CFAP46: variants seen among roughly 807,000 people sequenced by gnomAD.
The protein encoded by CFAP46 is cilia- and flagella-associated protein 46.
In CFAP46, 245 loss-of-function variants were observed where a neutral mutation model predicts 325.7. The observed-to-expected ratio is 0.75, with a 90% CI of 0.68 to 0.84. The LOEUF is 0.84. Ranked by LOEUF, CFAP46 falls within the 40% of genes least tolerant of loss-of-function variation. The pLI is 0.00. For synonymous variants in CFAP46, 1,523 were observed against 1,495.9 expected, an observed-to-expected ratio of 1.02 and a Z score of -0.42; for missense variants, 3,346 against 3,543.0, an observed-to-expected ratio of 0.94 and a Z score of 1.41.
At chr10:132,818,790 G>C (rs1345072835) in intron 50 of CFAP46, among the ~76,000 whole-genome samples, 2 of 151,444 alleles carry the variant, frequency 1.3e-5, no homozygotes, top group Non-Finnish European at 2.9e-5. Context: ...GAGGCTCAAG[G>C]TTGCAGTGAG....
chr10:132,861,104 G>A, intron 35 of CFAP46, 122 bp from the exon 36 acceptor site: 4 of 979,448 alleles, frequency 4.1e-6, no homozygotes, highest in Non-Finnish European at 6.1e-6. Context: ...GACGCACCAG[G>A]TGAGGGGAAG....
intron 9 of CFAP46, chr10:132,929,116 T>G: frequency 5.0e-6 from 1 of 200,682 alleles, no homozygotes; most frequent in Non-Finnish European, 1.0e-5. Flanking sequence ...AAACGTGGAG[T>G]AGTCCGAAAC....
chr10:132,890,531 G>C (rs761148950), intron 25 of CFAP46, among the ~76,000 whole-genome samples: 1 of 152,200 alleles, frequency 6.6e-6, no homozygotes, highest in African/African-American at 2.4e-5. Context: ...CCAGCAACCA[G>C]TGCGGAGTCC....
chr10:132,855,298 T>C (rs1293328421), intron 39 of CFAP46, among the ~76,000 whole-genome samples: 1 of 152,268 alleles, frequency 6.6e-6, no homozygotes, highest in African/African-American at 2.4e-5. Context: ...CTTGGTAATA[T>C]TCTTTTTTCC....
chr10:132,818,166 C>T (rs958063424), intron 50 of CFAP46, among the ~76,000 whole-genome samples: 1 of 152,210 alleles, frequency 6.6e-6, no homozygotes, highest in South Asian at 2.1e-4. Flanking sequence ...TGCTGCTTTC[C>T]TTTTCTGCCC....
chr10:132,926,479 C>T, intron 10 of CFAP46, 89 bp downstream of exon 10: 1 of 952,430 alleles, frequency 1.0e-6, no homozygotes, highest in Non-Finnish European at 1.6e-6. Context: ...GTCCCCAGCA[C>T]CCTCAAGCCT....
intron 7 of CFAP46, among the ~76,000 whole-genome samples, chr10:132,936,730 C>T (rs545221902): frequency 6.6e-6 from 1 of 152,388 alleles, no homozygotes; most frequent in East Asian, 1.9e-4. Flanking sequence ...CCTTCTGTGG[C>T]CTCACTGGCC....
intron 24 of CFAP46, among the ~76,000 whole-genome samples, chr10:132,893,220 TC>T (rs1034708542): frequency 1.1e-4 from 17 of 152,226 alleles, no homozygotes; most frequent in Non-Finnish European, 2.4e-4. Flanking sequence ...ATGCGGCCCC[TC>T]CCAAGTGCAG....
rs865875664 is a variant in CFAP46, at chr10:132,814,834, C to T, written c.7188+10G>A. The T allele has an allele frequency of 1.2e-6, 2 of 1,614,148 alleles. No individual in the cohort carries two copies. Among genetic ancestry groups the T allele is most frequent in the Middle Eastern group, 1.7e-4 (1 of 6,060 alleles). On this transcript the variant is annotated intron_variant, in intron 51 of 57. Transcript: ENST00000368586. ...ACCAGCCCGATCCCCTATCACAGGC[C>T]CCCACCCACCTTCCTGCCCTTCTTC...
rs1208806567 is a variant in CFAP46, at chr10:132,886,068, G to A, written c.3305-109C>T. ...ATCACAGTGCCCCTGAGGTGGAACC[G>A]CGGCTACAGAGGTGCCCAGGCCAGC... On this transcript the variant is annotated intron_variant, in intron 25 of 57. Transcript: ENST00000368586. The surrounding 1 kb of genome is among the most constrained non-coding windows in gnomAD (Gnocchi z 5.8). The A allele has an allele frequency of 3.5e-5, 49 of 1,401,538 alleles. No individual in the cohort carries two copies. The highest frequency in any genetic ancestry group is 4.1e-5 in the South Asian group (3 of 73,230). 86.8% of individuals were successfully genotyped at this position (1,401,538 alleles called of 1,614,324 possible).
At chr10:132,887,528 TCTC>T (rs1849168369) in intron 25 of CFAP46, among the ~76,000 whole-genome samples, 1 of 109,962 alleles carries the variant, frequency 9.1e-6, no homozygotes, top group Non-Finnish European at 1.9e-5. Context: ...TCCTCTCCTC[TCTC>T]CTCTCCCCTC....
At chr10:132,908,848 C>T (rs907508812) in intron 21 of CFAP46, among the ~76,000 whole-genome samples, 41 of 152,242 alleles carry the variant, frequency 2.7e-4, no homozygotes, top group South Asian at 2.1e-4. Flanking sequence ...GTCCTGGACA[C>T]GGGACTGGCG....
In CFAP46 at chr10:132,835,399, T is replaced by C. The variant is rs145021228; in HGVS notation, c.6649A>G (p.Thr2217Ala). ...CAGGCCAGCAGGTGGGAGAAGGCAG[T>C]GGGACTTATGGCCAGACGCATCACC... ...CKVMRLAISPTAFSHLLACAQ... is the reference protein window; with the variant it reads ...CKVMRLAISPAAFSHLLACAQ... The change falls in exon 47 of 58, where the codon ACT (threonine) becomes GCT (alanine). Residue 2217 changes from threonine to alanine, a missense_variant. By Grantham distance (58) the Thr-to-Ala change is moderately conservative. Coordinates refer to ENST00000368586, the MANE Select transcript of CFAP46 (RefSeq NM_001200049.3). 40 of 1,613,486 alleles carry C rather than the reference T, an allele frequency of 2.5e-5. No individual in the cohort carries two copies. Among genetic ancestry groups the C allele is most frequent in the Non-Finnish European group, 3.4e-5 (40 of 1,179,946 alleles).
At chr10:132,912,608 T>TCTCC (rs1849569182) in intron 19 of CFAP46, 47 bp downstream of exon 19, 1 of 370,714 alleles carries the variant, frequency 2.7e-6, no homozygotes, top group Non-Finnish European at 3.8e-6. Flanking sequence ...CTCTCTCCTC[T>TCTCC]CTCTCTCTCT....
At position 132,827,359 on chromosome 10, in the gene CFAP46, C is replaced by T. The variant is rs981130935; in HGVS notation, c.7117+5999G>A. 6.6e-6 allele frequency among the ~76,000 whole-genome samples: 1 copy of T among 152,148 alleles called. No homozygotes were observed. The highest frequency in any genetic ancestry group is 2.4e-5 in the African/African-American group (1 of 41,436). ...CCGACTGCTGTGGGAGCTCCTGGGC[C>T]TGGAGGAGCCTCCCTGGGACACGGT... is the stretch of plus-strand genomic sequence containing the variant. On this transcript the variant is annotated intron_variant, in intron 50 of 57. Transcript: ENST00000368586. The surrounding 1 kb of genome is among the most constrained non-coding windows in gnomAD (Gnocchi z 5.7).
intron 56 of CFAP46, 178 bp downstream of exon 56, chr10:132,810,772 C>A: frequency 1.3e-6 from 1 of 743,088 alleles, no homozygotes; most frequent in South Asian, 1.5e-5. Context: ...GGCTGAGCCG[C>A]CCCCCTCCCC....
In CFAP46 at chr10:132,808,878, T is replaced by C. The variant is rs1368543791; in HGVS notation, c.7691A>G (p.Gln2564Arg). 3.1e-6 allele frequency: 5 copies of C among 1,597,086 alleles called. No individual in the cohort carries two copies. Among genetic ancestry groups the C allele is most frequent in the Non-Finnish European group, 3.4e-6 (4 of 1,168,148 alleles). The change falls in exon 58 of 58, where the codon CAA becomes CGA. Residue 2564 changes from glutamine to arginine, a missense_variant. Physicochemically the swap from Gln to Arg is conservative, Grantham distance 43. Transcript: ENST00000368586. The surrounding 1 kb of genome is among the most constrained non-coding windows in gnomAD (Gnocchi z 6.8). ...TCGGAGCTTTGGAGCAGCAGCAGCT[T>C]GTCCTTCAAGGTCTGAGAAGCCTCG... ...PRRGFSDLEG[Q>R]AAAAPKLRAP...
At position 132,859,213 on chromosome 10, in the gene CFAP46, A is replaced by T; in HGVS notation, c.5233T>A (p.Ser1745Thr). 2 of 1,550,052 alleles carry T rather than the reference A, an allele frequency of 1.3e-6. No individual in the cohort carries two copies. Among genetic ancestry groups the T allele is most frequent in the Non-Finnish European group, 1.7e-6 (2 of 1,146,972 alleles). Reference sequence around the variant, plus strand: ...CACTCTGTGGGTTCAGTGACCGCTGAGTGCTGCGCAACTCTGACCCGCAGG... The same window carrying T: ...CACTCTGTGGGTTCAGTGACCGCTGTGTGCTGCGCAACTCTGACCCGCAGG... ...LSLRVRVAQH[S>T]AVTEPTECSL... Residue 1745 changes from serine to threonine, a missense_variant, in exon 38 of 58, where the codon TCA (serine) becomes ACA (threonine). By Grantham distance (58) the Ser-to-Thr change is moderately conservative. Coordinates refer to ENST00000368586, the MANE Select transcript of CFAP46 (RefSeq NM_001200049.3).
At position 132,860,451 on chromosome 10, in the gene CFAP46, A is replaced by C. The variant is rs192836971; in HGVS notation, c.5164T>G (p.Leu1722Val). ...AGATCTGTGATCATGAATTCCAGTA[A>C]AGGCAATCGGTTTGGTCTTTCTTTC... The part of the protein sequence containing the change: ...LKKERPNRLP[L>V]LEFMITDLEA... Residue 1722 changes from leucine to valine, a missense_variant, in exon 37 of 58, where the codon TTA becomes GTA. Leu to Val is a conservative substitution (Grantham distance 32). Coordinates refer to ENST00000368586, the MANE Select transcript of CFAP46 (RefSeq NM_001200049.3). 79 of 1,551,216 alleles carry C rather than the reference A, an allele frequency of 5.1e-5. No individual in the cohort carries two copies. Among genetic ancestry groups the C allele is most frequent in the East Asian group, 1.2e-4 (5 of 40,930 alleles).
Sources: allele counts gnomAD v4.1 joint callset (sites outside exome capture counted in the v4.1 genomes callset), GRCh38; gene constraint gnomAD v4.1.1; non-coding constraint Gnocchi (gnomAD v3.1); transcripts MANE v1.5; gene names NCBI Gene and HGNC (gene_info 2026-07-23, HGNC 2026-07-21).